Variants in NIN observed in about 807,000 individuals in gnomAD.
The protein encoded by NIN is glycogen synthase kinase 3 beta-interacting protein.
A neutral mutation model predicts 257.6 loss-of-function variants in NIN; 137 were observed. The observed-to-expected ratio is 0.53, with a 90% CI of 0.46 to 0.61. The LOEUF (loss-of-function observed/expected upper bound fraction) is 0.61, where lower values mean the gene tolerates loss of function less well. Among genes scored for constraint, NIN ranks in the 20% least tolerant of loss-of-function variants. The pLI is 0.00. For synonymous variants in NIN, 918 were observed against 919.8 expected (o/e 1.00, Z 0.04); for missense variants, 2,439 against 2,501.2 (o/e 0.98, Z 0.53).
At chr14:50,747,898 C>T in intron 22 of NIN, 94 bp downstream of exon 22, 1 of 846,238 alleles carries the variant, frequency 1.2e-6, no homozygotes, top group Non-Finnish European at 2.0e-6. Flanking sequence ...GAACTTGGTA[C>T]AAAGGACAAC....
In NIN at chr14:50,776,303, G is replaced by C. The variant is rs968046586; in HGVS notation, c.666+646C>G. Among the ~76,000 whole-genome samples, 6 of 152,200 alleles carry C rather than the reference G, an allele frequency of 3.9e-5. 1 individual carries two copies. Among genetic ancestry groups the C allele is most frequent in the African/African-American group, 1.4e-4 (6 of 41,528 alleles). On this transcript the variant is annotated intron_variant, in intron 7 of 30. Transcript: ENST00000530997. ...TAAAGCTCAGAGTTTTACCAAAGAA[G>C]AGTCTTTTGGGGGCTCCTTCAAAAC...
In NIN at chr14:50,726,069, G is replaced by A. The variant is rs1364993186; in HGVS notation, c.6079-3C>T. The A allele has an allele frequency of 1.2e-6, 2 of 1,606,886 alleles. No individual in the cohort carries two copies. Among genetic ancestry groups the A allele is most frequent in the Admixed American group, 3.3e-5 (2 of 59,732 alleles). On this transcript the variant is annotated splice_polypyrimidine_tract_variant and splice_region_variant and intron_variant, in intron 29 of 30. Coordinates refer to ENST00000530997, the MANE Select transcript of NIN (RefSeq NM_020921.4). ...GTTACCAGTTGTTCCTGGTTTCCCT[G>A]AAGGGAAGAAAAGTATATTATTCGA...
intron 5 of NIN, 55 bp from the exon 6 acceptor site, chr14:50,778,859 T>C (rs991446228): frequency 6.5e-7 from 1 of 1,549,736 alleles, no homozygotes; most frequent in South Asian, 1.1e-5. Context: ...GAAAGAACTA[T>C]CCTAGCTTTT....
chr14:50,785,161 G>A (rs2043292040), intron 5 of NIN, among the ~76,000 whole-genome samples: 2 of 152,248 alleles, frequency 1.3e-5, no homozygotes, highest in African/African-American at 2.4e-5. Context: ...AGGCGGCACC[G>A]ATTTCTGGAA....
intron 5 of NIN, among the ~76,000 whole-genome samples, chr14:50,791,807 G>GCACACACA (rs373370758): frequency 1.5e-4 from 18 of 116,774 alleles, no homozygotes; most frequent in East Asian, 8.8e-4. Context: ...AGGTGCACGC[G>GCACACACA]CACACACACA....
At chr14:50,797,213 A>G (rs2043878640) in intron 4 of NIN, among the ~76,000 whole-genome samples, 1 of 152,246 alleles carries the variant, frequency 6.6e-6, no homozygotes, top group Non-Finnish European at 1.5e-5. Flanking sequence ...GAAGATGGAT[A>G]TTTTAACTTG....
chr14:50,818,896 CA>C (rs10618868), intron 3 of NIN, among the ~76,000 whole-genome samples: 65,902 of 145,674 alleles, frequency 0.45, 16,318 homozygotes, highest in Non-Finnish European at 0.58. Context: ...CATTAGGCCT[CA>C]AAAAAAAAAA....
intron 4 of NIN, among the ~76,000 whole-genome samples, chr14:50,801,747 A>C (rs543704236): frequency 6.6e-5 from 10 of 152,328 alleles, no homozygotes; most frequent in African/African-American, 1.9e-4. Flanking sequence ...AAATAATTAC[A>C]ATTATGGCAG....
At chr14:50,761,424 G>A (rs2042270893) in intron 16 of NIN, among the ~76,000 whole-genome samples, 1 of 152,216 alleles carries the variant, frequency 6.6e-6, no homozygotes, top group African/African-American at 2.4e-5. Context: ...GGAAACGTCA[G>A]TTGAAGTCTC....
At chr14:50,827,770 A>AAAG in intron 2 of NIN, among the ~76,000 whole-genome samples, 1 of 151,140 alleles carries the variant, frequency 6.6e-6, no homozygotes, top group African/African-American at 2.4e-5. Flanking sequence ...AAAAAAAAAA[A>AAAG]AAAGAAAGAA....
In NIN at chr14:50,727,286, T is replaced by C. The variant is rs567131049; in HGVS notation, c.6079-1220A>G. ...TCAAAAATTTCCTGTCAAAAAGATT[T>C]GTACATCTTATACAAAACAGTATAA... is the stretch of plus-strand genomic sequence containing the variant. On this transcript the variant is annotated intron_variant, in intron 29 of 30. Coordinates refer to ENST00000530997, the MANE Select transcript of NIN (RefSeq NM_020921.4). The C allele has an allele frequency of 1.4e-4, 138 of 976,768 alleles. No homozygotes were observed. The South Asian group carries it at 6.2e-3, about 44-fold the overall frequency. The allele number at this position is 976,768 out of a possible 1,614,324, so 60.5% of individuals were successfully genotyped here. A position where few individuals can be genotyped will look rare whatever the true frequency, so the allele number is the denominator to read the frequency against.
At chr14:50,782,754 G>A (rs1478495971) in intron 5 of NIN, among the ~76,000 whole-genome samples, 1 of 152,216 alleles carries the variant, frequency 6.6e-6, no homozygotes. Flanking sequence ...ATAAAGGGAA[G>A]CTCCCTCCTT....
rs1480261327 is a variant in NIN at position 50,721,100 on chromosome 14, C to G, written c.*2363G>C. 5.1e-6 allele frequency: 1 copy of G among 196,680 alleles called. No homozygotes were observed. Among genetic ancestry groups the G allele is most frequent in the Non-Finnish European group, 1.1e-5 (1 of 94,866 alleles). 12.2% of individuals were successfully genotyped at this position (196,680 alleles called of 1,614,324 possible). ...AACTAAATTATAAATTGCCACTCAC[C>G]TTCTCAAAAATTGTTGCACAAATGC... On this transcript the variant is annotated 3_prime_UTR_variant, in exon 31 of 31. Coordinates refer to ENST00000530997, the MANE Select transcript of NIN (RefSeq NM_020921.4).
At chr14:50,729,464 C>A in intron 29 of NIN, 59 bp downstream of exon 29, 2 of 1,510,512 alleles carry the variant, frequency 1.3e-6, no homozygotes, top group Non-Finnish European at 1.8e-6. Flanking sequence ...ACTGGTATAA[C>A]TTTCAAATAA....
intron 7 of NIN, 83 bp downstream of exon 7, chr14:50,776,866 A>G (rs2042942790): frequency 1.6e-6 from 2 of 1,212,466 alleles, no homozygotes; most frequent in Non-Finnish European, 2.3e-6. Context: ...AGCTGCAGAG[A>G]GCCACACTAC....
chr14:50,772,873 A>T, intron 8 of NIN, 76 bp downstream of exon 8: 1 of 1,250,454 alleles, frequency 8.0e-7, no homozygotes, highest in East Asian at 2.3e-5. Flanking sequence ...TTCAGACAAC[A>T]GATTAATTTA....
intron 3 of NIN, among the ~76,000 whole-genome samples, chr14:50,816,586 C>T (rs1391145265): frequency 1.8e-4 from 27 of 152,148 alleles, no homozygotes; most frequent in Admixed American, 1.8e-3. Context: ...CCCATCCTGG[C>T]ACTGACTCAA....
At chr14:50,802,958 C>T (rs1231324867) in intron 4 of NIN, among the ~76,000 whole-genome samples, 1 of 152,180 alleles carries the variant, frequency 6.6e-6, no homozygotes, top group African/African-American at 2.4e-5. Flanking sequence ...AGGCTGAGCA[C>T]TATGGTCCCC....
chr14:50,735,033 C>G (rs533891675), intron 28 of NIN, among the ~76,000 whole-genome samples: 20 of 152,128 alleles, frequency 1.3e-4, no homozygotes, highest in Non-Finnish European at 2.5e-4. Flanking sequence ...CAAGGCAGTC[C>G]TGAGTTCTAA....
Sources: gnomAD v4.1 joint callset for allele counts (sites outside exome capture counted in the v4.1 genomes callset) on GRCh38, gnomAD v4.1.1 for gene constraint, MANE v1.5 for transcripts, NCBI Gene and HGNC (gene_info 2026-07-23, HGNC 2026-07-21) for gene names.